ATP11B: variants seen among roughly 807,000 people sequenced by gnomAD.
ATP11B encodes phospholipid-transporting ATPase IF.
A neutral mutation model predicts 157.8 loss-of-function variants in ATP11B; 81 were observed. The ratio of observed to expected loss-of-function variants is 0.51; its 90% CI spans 0.43 to 0.62. The LOEUF is 0.62. ATP11B is among the 20% of genes least tolerant of loss of function. The pLI, the probability that ATP11B is intolerant of heterozygous loss-of-function variation, is 0.00. For synonymous variants in ATP11B, 451 were observed against 469.4 expected (o/e 0.96, Z 0.51); for missense variants, 1,165 against 1,402.2 (o/e 0.83, Z 2.70).
intron 1 of ATP11B, among the ~76,000 whole-genome samples, chr3:182,798,737 C>T (rs1284156987): frequency 2.6e-5 from 4 of 152,190 alleles, no homozygotes; most frequent in Non-Finnish European, 5.9e-5. Context: ...TGAAGTGTGT[C>T]TACTCTGAAT....
chr3:182,914,490 G>A, intron 29 of ATP11B: 1 of 985,148 alleles, frequency 1.0e-6, no homozygotes, highest in Non-Finnish European at 1.2e-6. Flanking sequence ...ACAAAAGGCT[G>A]TATTTCTGCT....
At chr3:182,873,772 A>G in intron 18 of ATP11B, 40 bp from the exon 19 acceptor site, 2 of 1,529,230 alleles carry the variant, frequency 1.3e-6, no homozygotes, top group Non-Finnish European at 9.1e-7. Flanking sequence ...TACAGTCATA[A>G]AAGTATTCTC....
chr3:182,824,263 C>G (rs1440215479), intron 2 of ATP11B, among the ~76,000 whole-genome samples: 2 of 152,170 alleles, frequency 1.3e-5, no homozygotes, highest in Non-Finnish European at 2.9e-5. Context: ...CTCTGACAAT[C>G]AGTATTTTCC....
intron 19 of ATP11B, among the ~76,000 whole-genome samples, chr3:182,876,257 G>A (rs1171357988): frequency 1.3e-5 from 2 of 152,076 alleles, no homozygotes; most frequent in African/African-American, 4.8e-5. Context: ...AATAATAAAT[G>A]TCTACTTGAA....
intron 6 of ATP11B, chr3:182,836,754 A>AT: frequency 4.1e-6 from 2 of 489,588 alleles, no homozygotes; most frequent in Non-Finnish European, 7.1e-6. Context: ...GGACAAATTT[A>AT]TATTTTCTCA....
At chr3:182,793,813 A>G (rs1033901404) in intron 1 of ATP11B, 27 bp downstream of exon 1, 5 of 1,325,654 alleles carry the variant, frequency 3.8e-6, no homozygotes, top group African/African-American at 3.1e-5. Flanking sequence ...CTCCACCTCC[A>G]TTCGTCCGCC....
rs551463497 is a variant in ATP11B at position 182,905,600 on chromosome 3, CTTTA to C, written c.3318+6832_3318+6835del. ...AGCTTCGTGCACTGAAAAATCATGGCTTTATTTTGTGTGCTTGTGTTCCCCTTAA... is the reference window on the plus strand; with the variant it reads ...AGCTTCGTGCACTGAAAAATCATGGCTTTTGTGTGCTTGTGTTCCCCTTAA... On this transcript the variant is annotated intron_variant, in intron 28 of 29. Coordinates refer to ENST00000323116, the MANE Select transcript of ATP11B (RefSeq NM_014616.3). Among the ~76,000 whole-genome samples, 53 of 152,294 alleles carry C rather than the reference CTTTA, an allele frequency of 3.5e-4. 1 individual carries two copies. In the South Asian group the frequency reaches 4.0e-3, roughly 11 times the overall value.
intron 29 of ATP11B, chr3:182,916,370 A>G (rs1725141683): frequency 1.0e-6 from 1 of 985,228 alleles, no homozygotes; most frequent in Admixed American, 6.2e-5. Context: ...TCACTTGAGA[A>G]ATGCCACCAG....
chr3:182,914,294 A>T, intron 29 of ATP11B: 1 of 1,062,170 alleles, frequency 9.4e-7, no homozygotes, highest in Non-Finnish European at 1.1e-6. Context: ...GTACTCTTTT[A>T]TGGTTTGTAT....
At chr3:182,801,523 G>A (rs1716012858) in intron 1 of ATP11B, among the ~76,000 whole-genome samples, 1 of 152,024 alleles carries the variant, frequency 6.6e-6, no homozygotes, top group Non-Finnish European at 1.5e-5. Flanking sequence ...GCCCCTTTAT[G>A]GTATAAAGTT....
chr3:182,811,413 A>G (rs1716658109), intron 1 of ATP11B, among the ~76,000 whole-genome samples: 3 of 152,200 alleles, frequency 2.0e-5, no homozygotes, highest in Admixed American at 1.3e-4. Flanking sequence ...AGGCTCTGCA[A>G]TCCATTACAG....
At position 182,856,598 on chromosome 3, in the gene ATP11B, C is replaced by T. The variant is rs1410213935; in HGVS notation, c.852-1280C>T. ...GACCAGTTGTTTTCTTCTCTTGATCCGGGTGTTCTCATGTATAAAAATGCG... is the reference window on the plus strand; with the variant it reads ...GACCAGTTGTTTTCTTCTCTTGATCTGGGTGTTCTCATGTATAAAAATGCG... On this transcript the variant is annotated intron_variant, in intron 10 of 29. Coordinates refer to ENST00000323116, the MANE Select transcript of ATP11B (RefSeq NM_014616.3). 2.0e-5 allele frequency among the ~76,000 whole-genome samples: 3 copies of T among 152,204 alleles called. No homozygotes were observed. In the East Asian group the frequency reaches 5.8e-4, roughly 29 times the overall value.
intron 2 of ATP11B, among the ~76,000 whole-genome samples, chr3:182,821,962 C>T (rs1250917279): frequency 1.3e-5 from 2 of 152,132 alleles, no homozygotes; most frequent in African/African-American, 4.8e-5. Context: ...TTTGCCCTGC[C>T]CCATGTTGCT....
At chr3:182,803,639 T>C (rs1716146228) in intron 1 of ATP11B, among the ~76,000 whole-genome samples, 1 of 152,232 alleles carries the variant, frequency 6.6e-6, no homozygotes, top group South Asian at 2.1e-4. Context: ...TTTTAACATT[T>C]AGATCTTTAA....
chr3:182,827,593 TTGG>T (rs1717809896), intron 2 of ATP11B, among the ~76,000 whole-genome samples: 1 of 152,050 alleles, frequency 6.6e-6, no homozygotes, highest in African/African-American at 2.4e-5. Flanking sequence ...TGAAATTTTC[TTGG>T]TGGTTATCGC....
intron 1 of ATP11B, among the ~76,000 whole-genome samples, chr3:182,804,948 GTA>G (rs140659729): frequency 0.035 from 5,285 of 152,200 alleles, 309 homozygotes; most frequent in African/African-American, 0.12. Flanking sequence ...GTTGTAGCAT[GTA>G]TCACTACTTC....
chr3:182,897,372 T>C lies in ATP11B; in HGVS notation c.3118T>C (p.Phe1040Leu). ...TACCTGGGGATCTATTATATTTTAT[T>C]TTGTATTTTCCTTGTTTTATGGAGG... ...LVTWGSIIFY[F>L]VFSLFYGGIL... The change falls in exon 27 of 30, where the codon TTT (phenylalanine) becomes CTT (leucine). Residue 1040 changes from phenylalanine (F) to leucine (L), a missense_variant. Transcript: ENST00000323116. The C allele has an allele frequency of 6.3e-7, 1 of 1,591,318 alleles. No individual in the cohort carries two copies. Among genetic ancestry groups the C allele is most frequent in the Non-Finnish European group, 8.5e-7 (1 of 1,173,162 alleles).
At chr3:182,828,093 T>G (rs1717847997) in intron 2 of ATP11B, 27 bp from the exon 3 acceptor site, 5 of 1,094,324 alleles carry the variant, frequency 4.6e-6, no homozygotes, top group Non-Finnish European at 6.5e-6. Context: ...TTTTTAAATA[T>G]TAATTTATTG....
chr3:182,917,209 T>A (rs1267443077), intron 29 of ATP11B: 1 of 985,268 alleles, frequency 1.0e-6, no homozygotes, highest in African/African-American at 1.7e-5. Flanking sequence ...TGGAAAAAGT[T>A]ACATAAAATG....
Sources: gnomAD v4.1 joint callset for allele counts (sites outside exome capture counted in the v4.1 genomes callset) on GRCh38, gnomAD v4.1.1 for gene constraint, MANE v1.5 for transcripts, NCBI Gene and HGNC (gene_info 2026-07-23, HGNC 2026-07-21) for gene names.